Variants in CLUL1 observed in about 807,000 individuals in gnomAD.
CLUL1 encodes the protein clusterin like 1, also known as clusterin-like protein 1.
In CLUL1, 43 loss-of-function variants were observed where a neutral mutation model predicts 49.4. The observed-to-expected ratio is 0.87, with a 90% CI of 0.68 to 1.12. The LOEUF (loss-of-function observed/expected upper bound fraction) is 1.12. Among genes scored for constraint, CLUL1 ranks in the 50% most tolerant of loss-of-function variants. CLUL1 has a pLI of 0.00. For synonymous variants in CLUL1, 192 were observed against 184.9 expected (o/e 1.04, Z -0.31); for missense variants, 486 against 544.4 (o/e 0.89, Z 1.07).
intron 1 of CLUL1, among the ~76,000 whole-genome samples, chr18:603,934 G>T (rs2072899853): frequency 6.6e-6 from 1 of 152,188 alleles, no homozygotes; most frequent in Admixed American, 6.5e-5. Context: ...AGGCTGGAGT[G>T]CAGTGTCGTG....
intron 7 of CLUL1, among the ~76,000 whole-genome samples, chr18:633,887 A>ATCAGGGCGG (rs1311015633): frequency 6.7e-6 from 1 of 148,996 alleles, no homozygotes; most frequent in African/African-American, 2.5e-5. Flanking sequence ...GTAATCGAAA[A>ATCAGGGCGG]AGGTTGCTTT....
intron 2 of CLUL1, among the ~76,000 whole-genome samples, chr18:613,724 G>A (rs920754283): frequency 6.6e-6 from 1 of 152,154 alleles, no homozygotes; most frequent in African/African-American, 2.4e-5. Flanking sequence ...AAAATGCTGG[G>A]ATTACAGGCC....
intron 7 of CLUL1, among the ~76,000 whole-genome samples, chr18:634,179 G>A (rs1233296969): frequency 1.3e-5 from 2 of 152,142 alleles, no homozygotes; most frequent in African/African-American, 4.8e-5. Context: ...CTGTTGCCCA[G>A]GCTGGAGTGG....
chr18:625,740 T>G (rs144577619), intron 5 of CLUL1, among the ~76,000 whole-genome samples: 105 of 152,250 alleles, frequency 6.9e-4, no homozygotes, highest in Non-Finnish European at 1.2e-3. Flanking sequence ...AGAAGTGAGC[T>G]GAATACAAAA....
intron 5 of CLUL1, 75 bp downstream of exon 5, chr18:625,107 GT>G: frequency 1.4e-6 from 2 of 1,441,780 alleles, no homozygotes; most frequent in Non-Finnish European, 1.9e-6. Flanking sequence ...ATTAATTTAT[GT>G]TAATATTTAG....
Position 627,427 on chromosome 18 carries a change from T to C in CLUL1, c.754T>C (p.Phe252Leu), listed in dbSNP as rs2073843514. The C allele has an allele frequency of 6.2e-7, 1 of 1,613,888 alleles. No individual in the cohort carries two copies. Among genetic ancestry groups the C allele is most frequent in the African/African-American group, 1.3e-5 (1 of 74,924 alleles). Residue 252 changes from phenylalanine (F) to leucine (L), a missense_variant, in exon 6 of 10, where the codon TTC becomes CTC. Phe to Leu is a conservative substitution (Grantham distance 22). Coordinates refer to ENST00000692774, the MANE Select transcript of CLUL1 (RefSeq NM_001393344.1). The stretch of plus-strand genomic sequence containing the variant: ...GCAATGTTGGGACATTCCCAACTTC[T>C]TCCAGCTGTTTTGTAATTTCAGTGT... The part of the protein sequence containing the change: ...LEQCWDIPNF[F>L]QLFCNFSVSI...
chr18:637,741 G>A (rs917412216), intron 7 of CLUL1, among the ~76,000 whole-genome samples: 11 of 152,078 alleles, frequency 7.2e-5, no homozygotes, highest in South Asian at 2.1e-4. Flanking sequence ...CTGGAAGGCC[G>A]AGGCGGGCGG....
intron 9 of CLUL1, among the ~76,000 whole-genome samples, chr18:648,783 A>G (rs1468460493): frequency 6.6e-6 from 1 of 152,094 alleles, no homozygotes; most frequent in Non-Finnish European, 1.5e-5. Flanking sequence ...CAGCCTCCCA[A>G]GTAGCTGGGA....
intron 7 of CLUL1, among the ~76,000 whole-genome samples, chr18:640,274 G>A (rs1233004587): frequency 6.6e-6 from 1 of 151,934 alleles, no homozygotes; most frequent in Non-Finnish European, 1.5e-5. Flanking sequence ...GCCGGGCATG[G>A]TGGTGTGAGC....
Position 606,368 on chromosome 18 carries a change from C to G in CLUL1, c.-135-610C>G, listed in dbSNP as rs2072973615. On this transcript the variant is annotated intron_variant, in intron 1 of 9. Transcript: ENST00000692774. This position sits in a 1 kb window ranked among gnomAD's most constrained non-coding sequence, Gnocchi z 4.1. ...GGGCAGGAAACGATTTTCCATGTCA[C>G]CAACCTTTCTCTGAGGGAACCTACT... is the stretch of plus-strand genomic sequence containing the variant. Among the ~76,000 whole-genome samples the G allele has an allele frequency of 6.6e-6, 1 of 152,216 alleles. No individual in the cohort carries two copies. The highest frequency in any genetic ancestry group is 1.5e-5 in the Non-Finnish European group (1 of 68,038).
chr18:624,928 GA>G lies in CLUL1; in HGVS notation c.320del (p.Glu107GlyfsTer19). The G allele has an allele frequency of 1.9e-6, 3 of 1,614,152 alleles. No homozygotes were observed. Among genetic ancestry groups the G allele is most frequent in the Non-Finnish European group, 2.5e-6 (3 of 1,180,002 alleles). On this transcript the variant is annotated frameshift_variant, in exon 5 of 10. Coordinates refer to ENST00000692774, the MANE Select transcript of CLUL1 (RefSeq NM_001393344.1). LOFTEE classifies it high-confidence loss of function. ...GGAGGAAGAAGAAAGGCTATGCCGG[GA>G]GTCTTTGGCAGATTCCTGGGGTGAA... Reference protein sequence around the residue: ...HLEEEERLCRESLADSWGECR... With the variant: ...HLEEEERLCRXSLADSWGECR...
At chr18:645,810 A>AAAAAATATAT (rs1451607900) in intron 9 of CLUL1, among the ~76,000 whole-genome samples, 8 of 29,860 alleles carry the variant, frequency 2.7e-4, no homozygotes, top group Non-Finnish European at 4.7e-4. Context: ...AAAAAAAAAA[A>AAAAAATATAT]ATATATATAT....
rs1373414192 is a variant in CLUL1 at position 636,844 on chromosome 18, G to A, written c.994+3409G>A. Among the ~76,000 whole-genome samples, 4 of 150,994 alleles carry A rather than the reference G, an allele frequency of 2.6e-5. No homozygotes were observed. In the East Asian group the frequency reaches 7.8e-4, roughly 30 times the overall value. On this transcript the variant is annotated intron_variant, in intron 7 of 9. Coordinates refer to ENST00000692774, the MANE Select transcript of CLUL1 (RefSeq NM_001393344.1). ...GTTTCACCATGTTGGTTAGGCTGGT[G>A]GCGAACTCCTGACCTCAAGTGATTT...
chr18:599,297 G>A (rs2072751384), intron 1 of CLUL1, among the ~76,000 whole-genome samples: 1 of 152,184 alleles, frequency 6.6e-6, no homozygotes. Flanking sequence ...ACCAGATTGT[G>A]ATAGTGAGCA....
intron 9 of CLUL1, among the ~76,000 whole-genome samples, chr18:645,748 C>T (rs1437068334): frequency 3.1e-5 from 4 of 129,534 alleles, no homozygotes; most frequent in Admixed American, 8.7e-5. Flanking sequence ...GAGCAGAGAT[C>T]GCGCCACTGC....
chr18:650,148 T>C lies in CLUL1; in HGVS notation c.*247T>C. On this transcript the variant is annotated 3_prime_UTR_variant, in exon 10 of 10. Coordinates refer to ENST00000692774, the MANE Select transcript of CLUL1 (RefSeq NM_001393344.1). ...TGTATTACATTTCATGGTACATTAG[T>C]AGTTCTTTGTATATTGAATAAATAC... The C allele has an allele frequency of 3.2e-6, 1 of 313,014 alleles. No homozygotes were observed. The highest frequency in any genetic ancestry group is 5.8e-6 in the Non-Finnish European group (1 of 172,188). 19.4% of individuals were successfully genotyped at this position (313,014 alleles called of 1,614,324 possible).
At chr18:617,855 T>C in intron 2 of CLUL1, 133 bp from the exon 3 acceptor site, 1 of 675,168 alleles carries the variant, frequency 1.5e-6, no homozygotes, top group Non-Finnish European at 2.6e-6. Context: ...TCAGGCACAT[T>C]AGCATAAGTT....
intron 7 of CLUL1, among the ~76,000 whole-genome samples, chr18:638,942 C>T (rs1200964261): frequency 2.0e-5 from 3 of 152,126 alleles, no homozygotes; most frequent in African/African-American, 7.2e-5. Context: ...TTCCCATCCA[C>T]ATCACATTCA....
intron 2 of CLUL1, chr18:613,034 T>C: frequency 3.2e-6 from 1 of 312,948 alleles, no homozygotes; most frequent in Non-Finnish European, 5.8e-6. Context: ...TGGAATATAA[T>C]TTTCTCATTT....
Sources: allele counts gnomAD v4.1 joint callset (sites outside exome capture counted in the v4.1 genomes callset), GRCh38; gene constraint gnomAD v4.1.1; non-coding constraint Gnocchi (gnomAD v3.1); transcripts MANE v1.5; gene names NCBI Gene and HGNC (gene_info 2026-07-23, HGNC 2026-07-21).